The following PDE4D variants were observed in gnomAD, a reference collection of about 807,000 sequenced individuals.
The protein encoded by PDE4D is 3',5'-cyclic-AMP phosphodiesterase 4D.
A neutral mutation model predicts 87.4 loss-of-function variants in PDE4D; 24 were observed. The observed-to-expected ratio is 0.27, with a 90% CI of 0.20 to 0.39. The LOEUF (loss-of-function observed/expected upper bound fraction) is 0.39. PDE4D is among the 10% of genes least tolerant of loss of function. The pLI is 1.00. For missense variants in PDE4D, 714 were observed against 1,041.0 expected (o/e 0.69, Z 4.32); for synonymous variants, 384 against 383.2 (o/e 1.00, Z -0.02).
chr5:59,158,910 C>A (rs184586212), intron 5 of PDE4D, among the ~76,000 whole-genome samples: 1 of 152,088 alleles, frequency 6.6e-6, no homozygotes, highest in Non-Finnish European at 1.5e-5. Context: ...TAATAGCAAA[C>A]GGTTCTAGTT....
At chr5:59,439,357 C>CAAA (rs3061710) in intron 1 of PDE4D, among the ~76,000 whole-genome samples, 11,954 of 72,236 alleles carry the variant, frequency 0.17, 643 homozygotes, top group Non-Finnish European at 0.21. Flanking sequence ...AAGACTCTGT[C>CAAA]AAAAAAAAAA....
At chr5:60,261,330 C>T (rs981125148) in intron 1 of PDE4D, among the ~76,000 whole-genome samples, 1 of 152,080 alleles carries the variant, frequency 6.6e-6, no homozygotes, top group Non-Finnish European at 1.5e-5. Context: ...AATTTTCCTA[C>T]GCCAAATCAG....
chr5:59,362,743 C>A (rs1177886799), intron 1 of PDE4D, among the ~76,000 whole-genome samples: 1 of 152,108 alleles, frequency 6.6e-6, no homozygotes, highest in Admixed American at 6.6e-5. Context: ...CTTCTTACAA[C>A]TTTTTAGAAT....
chr5:59,485,811 G>C (rs981930132), intron 1 of PDE4D, among the ~76,000 whole-genome samples: 2 of 152,038 alleles, frequency 1.3e-5, no homozygotes, highest in African/African-American at 2.4e-5. Context: ...GAGAATGCAG[G>C]ATTGCCAGGG....
chr5:59,613,398 A>C (rs1829247478), intron 1 of PDE4D, among the ~76,000 whole-genome samples: 1 of 152,202 alleles, frequency 6.6e-6, no homozygotes, highest in Non-Finnish European at 1.5e-5. Context: ...TGAATATGAA[A>C]GTCTGTATCA....
At chr5:59,174,276 G>T (rs919710268) in intron 5 of PDE4D, 3 of 152,046 alleles carry the variant, frequency 2.0e-5, no homozygotes, top group Non-Finnish European at 4.4e-5. Flanking sequence ...ATTCTATTTA[G>T]AATGCACTTA....
At chr5:59,195,231 G>A (rs1745193036) in intron 2 of PDE4D, among the ~76,000 whole-genome samples, 1 of 152,028 alleles carries the variant, frequency 6.6e-6, no homozygotes, top group Admixed American at 6.6e-5. Flanking sequence ...GTGTTCTTCT[G>A]TCATCAATAA....
chr5:60,217,420 G>A (rs1488254718), intron 1 of PDE4D, among the ~76,000 whole-genome samples: 1 of 151,958 alleles, frequency 6.6e-6, no homozygotes, highest in Non-Finnish European at 1.5e-5. Flanking sequence ...TTTTATGTAT[G>A]TGAATATTAC....
chr5:59,944,185 C>G (rs1757485953), intron 3 of PDE4D, among the ~76,000 whole-genome samples: 1 of 152,192 alleles, frequency 6.6e-6, no homozygotes, highest in South Asian at 2.1e-4. Flanking sequence ...CATGTGTCTG[C>G]TTTGTTGCTT....
At chr5:60,430,148 G>A in intron 1 of PDE4D, 1 of 524,740 alleles carries the variant, frequency 1.9e-6, no homozygotes, top group Non-Finnish European at 3.8e-6. Context: ...TTGAGTGCCT[G>A]AGGGGCACGC....
At chr5:59,714,197 G>C (rs981330252) in intron 1 of PDE4D, among the ~76,000 whole-genome samples, 1 of 152,224 alleles carries the variant, frequency 6.6e-6, no homozygotes, top group Non-Finnish European at 1.5e-5. Context: ...CTTTGGCCAG[G>C]GTTGACTGAG....
chr5:59,390,679 C>A (rs185705005), intron 1 of PDE4D, among the ~76,000 whole-genome samples: 3 of 151,988 alleles, frequency 2.0e-5, no homozygotes, highest in African/African-American at 7.2e-5. Flanking sequence ...GGTAAAAGAC[C>A]TTATAAGTTG....
At chr5:59,651,002 T>C (rs956479547) in intron 1 of PDE4D, among the ~76,000 whole-genome samples, 1 of 152,086 alleles carries the variant, frequency 6.6e-6, no homozygotes, top group Non-Finnish European at 1.5e-5. Flanking sequence ...ACGCCTGTAA[T>C]CTCAGCACTT....
At chr5:60,463,752 C>T (rs767066591) in intron 1 of PDE4D, among the ~76,000 whole-genome samples, 2 of 152,182 alleles carry the variant, frequency 1.3e-5, no homozygotes, top group Non-Finnish European at 2.9e-5. Context: ...CTGCCCAACA[C>T]CATGGAGACA....
At chr5:59,229,273 T>C (rs10461659) in intron 1 of PDE4D, among the ~76,000 whole-genome samples, 17,611 of 152,122 alleles carry the variant, frequency 0.12, 2,091 homozygotes, top group East Asian at 0.55. Flanking sequence ...CAGCGGTACT[T>C]TTTCTATACC....
At chr5:59,163,550 C>T (rs1458113126) in intron 5 of PDE4D, among the ~76,000 whole-genome samples, 3 of 151,882 alleles carry the variant, frequency 2.0e-5, no homozygotes, top group South Asian at 2.1e-4. Context: ...GGATAACAGG[C>T]GTGAGCCACC....
chr5:60,458,349 T>C (rs942201906), intron 1 of PDE4D, among the ~76,000 whole-genome samples: 4 of 131,248 alleles, frequency 3.0e-5, no homozygotes, highest in Non-Finnish European at 6.1e-5. Context: ...ATGACACCAC[T>C]GCACTCCAGC....
intron 1 of PDE4D, among the ~76,000 whole-genome samples, chr5:59,431,124 T>A (rs1796049789): frequency 6.6e-6 from 1 of 152,104 alleles, no homozygotes; most frequent in Non-Finnish European, 1.5e-5. Context: ...TTTAAAACAC[T>A]CTTTGAGAAA....
At chr5:60,409,404 G>A (rs980392027) in intron 1 of PDE4D, among the ~76,000 whole-genome samples, 10 of 151,952 alleles carry the variant, frequency 6.6e-5, no homozygotes, top group South Asian at 4.2e-4. Flanking sequence ...TGTGAGAGGC[G>A]GAGCAATTAC....
Sources: gnomAD v4.1 joint callset for allele counts (sites outside exome capture counted in the v4.1 genomes callset) on GRCh38, gnomAD v4.1.1 for gene constraint, MANE v1.5 for transcripts, NCBI Gene and HGNC (gene_info 2026-07-23, HGNC 2026-07-21) for gene names.